GAB3: variants seen among roughly 807,000 people sequenced by gnomAD.
GAB3 encodes the protein GRB2 associated binding protein 3.
In GAB3, 12 loss-of-function variants were observed where a neutral mutation model predicts 40.4. The observed-to-expected ratio is 0.30, with a 90% CI of 0.19 to 0.48. The LOEUF (loss-of-function observed/expected upper bound fraction) is 0.48. Among genes scored for constraint, GAB3 ranks in the 20% least tolerant of loss-of-function variants. The probability of loss-of-function intolerance (pLI) is 0.99; values close to 1 mark genes in which losing one functional copy is unlikely to be tolerated. For missense variants in GAB3, 381 were observed against 461.9 expected, an observed-to-expected ratio of 0.82 and a Z score of 1.61; for synonymous variants, 154 against 176.7, an observed-to-expected ratio of 0.87 and a Z score of 1.02.
At chrX:154,748,607 A>AC (rs782510210) in intron 1 of GAB3, among the ~76,000 whole-genome samples, 3 of 112,719 alleles carry the variant, frequency 2.7e-5, no homozygotes, top group African/African-American at 9.7e-5. Flanking sequence ...TGAAAGGTTT[A>AC]CCTAAAAACT....
At chrX:154,746,165 A>G (rs953637587) in intron 1 of GAB3, among the ~76,000 whole-genome samples, 2 of 111,796 alleles carry the variant, frequency 1.8e-5, no homozygotes, top group African/African-American at 6.5e-5. Flanking sequence ...TCATTTAAGG[A>G]AGAAGGAATA....
At position 154,692,525 on chromosome X, in the gene GAB3, C is replaced by T. The variant is rs140861600; in HGVS notation, c.1530+3392G>A. On this transcript the variant is annotated intron_variant, in intron 8 of 9. Coordinates refer to ENST00000424127, the MANE Select transcript of GAB3 (RefSeq NM_001081573.3). ...TAAATAGGTCGGGTGTGATGGCTCA[C>T]GCCTGTAATCTCAGCACTTTGGGAG... Among the ~76,000 whole-genome samples, 591 of 112,332 alleles carry T rather than the reference C, an allele frequency of 5.3e-3. 11 individuals carry two copies. The highest frequency in any genetic ancestry group is 0.039 in the Admixed American group (415 of 10,627).
intron 1 of GAB3, among the ~76,000 whole-genome samples, chrX:154,747,492 A>G (rs1010002650): frequency 1.8e-5 from 2 of 112,395 alleles, no homozygotes; most frequent in Non-Finnish European, 3.8e-5. Context: ...ATCTAAATAT[A>G]AAATATAAAA....
chrX:154,747,826 G>A (rs782563662), intron 1 of GAB3, among the ~76,000 whole-genome samples: 67 of 112,071 alleles, frequency 6.0e-4, no homozygotes, highest in African/African-American at 2.1e-3. Flanking sequence ...TTGTATTGGG[G>A]ATTTCATTAA....
At chrX:154,738,484 C>T (rs1456133184) in intron 1 of GAB3, among the ~76,000 whole-genome samples, 3 of 112,284 alleles carry the variant, frequency 2.7e-5, no homozygotes, top group African/African-American at 6.5e-5. Context: ...AACTATCACA[C>T]GATTATTTGG....
intron 8 of GAB3, among the ~76,000 whole-genome samples, chrX:154,685,250 A>C (rs1374583386): frequency 9.0e-5 from 10 of 111,662 alleles, no homozygotes; most frequent in Non-Finnish European, 1.7e-4. Flanking sequence ...CAGTGTTTCC[A>C]AAAACTGCCT....
chrX:154,689,487 C>T (rs1473748021), intron 8 of GAB3, among the ~76,000 whole-genome samples: 2 of 110,590 alleles, frequency 1.8e-5, no homozygotes, highest in Non-Finnish European at 3.8e-5. Flanking sequence ...TCCCTGTTTG[C>T]AGACGACATG....
intron 8 of GAB3, among the ~76,000 whole-genome samples, chrX:154,692,582 G>T (rs1056138915): frequency 8.9e-6 from 1 of 111,849 alleles, no homozygotes; most frequent in Non-Finnish European, 1.9e-5. Flanking sequence ...GAGGTCAGGA[G>T]TTCGAGACCA....
intron 1 of GAB3, among the ~76,000 whole-genome samples, chrX:154,740,640 C>G (rs2071422582): frequency 9.0e-6 from 1 of 111,445 alleles, no homozygotes; most frequent in Non-Finnish European, 1.9e-5. Context: ...GAGATCCCTC[C>G]CTTAGTGGTG....
At position 154,712,523 on chromosome X, in the gene GAB3, A is replaced by C; in HGVS notation, c.775T>G (p.Trp259Gly). 1 of 1,200,062 alleles carries C rather than the reference A, an allele frequency of 8.3e-7. No individual in the cohort carries two copies. Among genetic ancestry groups the C allele is most frequent in the Non-Finnish European group, 1.1e-6 (1 of 889,562 alleles). ...PSSRPQAALI[W>G]SREINGPPRD... ...GGTGGCCCATTGATTTCTCTACTCC[A>C]GATCAGGGCAGCCTGAGGCCTCGAG... The change falls in exon 4 of 10, where the codon TGG becomes GGG. Residue 259 changes from tryptophan (W) to glycine (G), a missense_variant. Trp to Gly is a radical substitution (Grantham distance 184, BLOSUM62 -2). Coordinates refer to ENST00000424127, the MANE Select transcript of GAB3 (RefSeq NM_001081573.3).
At chrX:154,702,244 A>T (rs2070748517) in intron 4 of GAB3, among the ~76,000 whole-genome samples, 1 of 112,287 alleles carries the variant, frequency 8.9e-6, no homozygotes, top group Admixed American at 9.4e-5. Context: ...AAAGGTGCCA[A>T]GAACATACAC....
At chrX:154,707,676 T>C (rs1442202618) in intron 4 of GAB3, among the ~76,000 whole-genome samples, 1 of 111,885 alleles carries the variant, frequency 8.9e-6, no homozygotes, top group Non-Finnish European at 1.9e-5. Flanking sequence ...CCAGGACTAT[T>C]CAGTAACGTC....
chrX:154,744,145 C>T (rs956049909), intron 1 of GAB3, among the ~76,000 whole-genome samples: 13 of 85,846 alleles, frequency 1.5e-4, no homozygotes, highest in African/African-American at 5.1e-4. Context: ...ACCCAGGAGG[C>T]GGGGGTTGCA....
At chrX:154,745,903 T>C (rs985577404) in intron 1 of GAB3, among the ~76,000 whole-genome samples, 3 of 109,906 alleles carry the variant, frequency 2.7e-5, no homozygotes, top group Non-Finnish European at 5.7e-5. Context: ...AATACAAAAA[T>C]TAGCCAGGCA....
chrX:154,708,532 A>G (rs981018156), intron 4 of GAB3, among the ~76,000 whole-genome samples: 3 of 112,337 alleles, frequency 2.7e-5, no homozygotes, highest in African/African-American at 9.7e-5. Flanking sequence ...GAGTAGCAAA[A>G]AAACTAAATG....
chrX:154,724,548 C>T (rs1206541319), intron 1 of GAB3, among the ~76,000 whole-genome samples: 1 of 110,460 alleles, frequency 9.1e-6, no homozygotes, highest in Non-Finnish European at 1.9e-5. Flanking sequence ...TCCCATCAGC[C>T]TTTCCTGCCA....
chrX:154,750,015 C>G (rs2071587767), intron 1 of GAB3, among the ~76,000 whole-genome samples: 1 of 112,797 alleles, frequency 8.9e-6, no homozygotes, highest in Non-Finnish European at 1.9e-5. Context: ...TGGATGAGCG[C>G]AGACATGCGC....
At chrX:154,702,261 A>G (rs1390279991) in intron 4 of GAB3, among the ~76,000 whole-genome samples, 2 of 112,264 alleles carry the variant, frequency 1.8e-5, no homozygotes, top group Admixed American at 9.5e-5. Context: ...ACACTGGGAA[A>G]AAGATAGGCA....
At chrX:154,707,058 T>C (rs782126892) in intron 4 of GAB3, among the ~76,000 whole-genome samples, 40 of 111,415 alleles carry the variant, frequency 3.6e-4, no homozygotes, top group Admixed American at 2.4e-3. Context: ...TGGAACAGAA[T>C]AGAGAACCCA....
Sources: gnomAD v4.1 joint callset for allele counts (sites outside exome capture counted in the v4.1 genomes callset) on GRCh38, gnomAD v4.1.1 for gene constraint, MANE v1.5 for transcripts, NCBI Gene and HGNC (gene_info 2026-07-23, HGNC 2026-07-21) for gene names.